The following PLXNA2 variants were observed in gnomAD, a reference collection of about 807,000 sequenced individuals.
PLXNA2 encodes plexin A2.
In PLXNA2, 91 loss-of-function variants were observed where a neutral mutation model predicts 193.5. The ratio of observed to expected loss-of-function variants is 0.47; its 90% CI spans 0.40 to 0.56. The LOEUF is 0.56. Ranked by LOEUF, PLXNA2 falls within the 20% of genes least tolerant of loss-of-function variation. The probability of loss-of-function intolerance (pLI) is 0.00; values close to 1 mark genes in which losing one functional copy is unlikely to be tolerated. For missense variants in PLXNA2, 1,995 were observed against 2,503.2 expected (o/e 0.80, Z 4.33); for synonymous variants, 997 against 1,027.3 (o/e 0.97, Z 0.56).
At chr1:208,033,202 G>C in intron 28 of PLXNA2, 117 bp downstream of exon 28, 1 of 988,616 alleles carries the variant, frequency 1.0e-6, no homozygotes. Context: ...GGCTGTACCT[G>C]GACTGTCTGA....
chr1:208,092,430 C>T (rs570792474), intron 9 of PLXNA2, among the ~76,000 whole-genome samples: 1 of 152,308 alleles, frequency 6.6e-6, no homozygotes, highest in African/African-American at 2.4e-5. Flanking sequence ...TGCAGCCAAG[C>T]AAAGGGCTAG....
chr1:208,216,792 G>C lies in PLXNA2; in HGVS notation c.1131C>G (p.Gly377=), dbSNP rs368699739. 1.7e-5 allele frequency: 28 copies of C among 1,614,064 alleles called. No individual in the cohort carries two copies. Among genetic ancestry groups the C allele is most frequent in the Non-Finnish European group, 2.4e-5 (28 of 1,180,032 alleles). Residue 377 remains glycine, a synonymous_variant, in exon 2 of 32, where the codon GGC becomes GGG. Transcript: ENST00000367033. ...IKERLQSCYQ[G]EGNLELNWLL... is the part of the protein sequence containing the mutation. ...GCCAGTTGAGCTCCAGGTTGCCCTC[G>C]CCCTGGTAGCAGGACTGCAGGCGCT...
At chr1:208,154,227 TGCTGGTGCTGGGTACAGTACA>T (rs369166077) in intron 3 of PLXNA2, among the ~76,000 whole-genome samples, 5,396 of 82,012 alleles carry the variant, frequency 0.066, 304 homozygotes, top group African/African-American at 0.15. Context: ...GTGAAGACTC[TGCTGGTGCTGGGTACAGTACA>T]GCAGGTGCCC....
chr1:208,034,091 T>A (rs1402929074), intron 27 of PLXNA2, among the ~76,000 whole-genome samples: 1 of 152,218 alleles, frequency 6.6e-6, no homozygotes, highest in African/African-American at 2.4e-5. Context: ...GCCCCAGTAC[T>A]CCTCGGACTA....
chr1:208,221,663 C>T (rs1238801484), intron 1 of PLXNA2, among the ~76,000 whole-genome samples: 1 of 152,072 alleles, frequency 6.6e-6, no homozygotes, highest in Non-Finnish European at 1.5e-5. Context: ...TTCAAGGGCA[C>T]GTTGAGAGCC....
intron 1 of PLXNA2, among the ~76,000 whole-genome samples, chr1:208,232,289 A>G (rs1219232194): frequency 6.6e-6 from 1 of 152,048 alleles, no homozygotes; most frequent in African/African-American, 2.4e-5. Context: ...GCTGCCAGCA[A>G]CCCCTCTGAA....
chr1:208,235,950 G>C (rs936392938), intron 1 of PLXNA2, among the ~76,000 whole-genome samples: 1 of 152,156 alleles, frequency 6.6e-6, no homozygotes, highest in Non-Finnish European at 1.5e-5. Flanking sequence ...AGAAAACCTC[G>C]TAGCCTGGGT....
chr1:208,185,696 CAAAAA>C (rs56384277), intron 3 of PLXNA2, among the ~76,000 whole-genome samples: 1,212 of 57,246 alleles, frequency 0.021, 7 homozygotes, highest in African/African-American at 0.082. Context: ...TCTCTGAAAG[CAAAAA>C]AAAAAAAAAA....
intron 29 of PLXNA2, chr1:208,031,333 C>T: frequency 7.5e-7 from 1 of 1,327,580 alleles, no homozygotes; most frequent in South Asian, 1.7e-5. Flanking sequence ...GGGTACTGGT[C>T]ACAACCTGGA....
chr1:208,129,879 G>A (rs1407695673), intron 4 of PLXNA2, among the ~76,000 whole-genome samples: 1 of 152,228 alleles, frequency 6.6e-6, no homozygotes, highest in African/African-American at 2.4e-5. Context: ...TAAGTGGCTA[G>A]AACATTTTTT....
rs554051515 is a variant in PLXNA2, at chr1:208,038,549, T to C, written c.4661-75A>G. On this transcript the variant is annotated intron_variant, in intron 25 of 31. Coordinates refer to ENST00000367033, the MANE Select transcript of PLXNA2 (RefSeq NM_025179.4). This position sits in a 1 kb window ranked among gnomAD's most constrained non-coding sequence, Gnocchi z 4.1. ...TGAGCCAGTGTCTCCCGATTGCACC[T>C]TCTCTAGGGACCTGGCAACCCGGCC... is the stretch of plus-strand genomic sequence containing the variant. 5 of 1,174,314 alleles carry C rather than the reference T, an allele frequency of 4.3e-6. No homozygotes were observed. The South Asian group carries it at 6.1e-5, about 14-fold the overall frequency. The allele number at this position is 1,174,314 out of a possible 1,614,324, so 72.7% of individuals were successfully genotyped here. A position where few individuals can be genotyped will look rare whatever the true frequency, so the allele number is the denominator to read the frequency against.
chr1:208,170,496 C>A (rs1174626390), intron 3 of PLXNA2, among the ~76,000 whole-genome samples: 3 of 152,156 alleles, frequency 2.0e-5, no homozygotes, highest in Non-Finnish European at 2.9e-5. Flanking sequence ...GAGCAGGAGG[C>A]CCTGTGGGGC....
chr1:208,060,330 C>G (rs371748586), intron 13 of PLXNA2, among the ~76,000 whole-genome samples: 8 of 152,208 alleles, frequency 5.3e-5, no homozygotes, highest in Non-Finnish European at 1.2e-4. Flanking sequence ...CAAATTGTTG[C>G]CTGCAGCCCA....
At chr1:208,170,447 C>T (rs1302784362) in intron 3 of PLXNA2, among the ~76,000 whole-genome samples, 5 of 152,172 alleles carry the variant, frequency 3.3e-5, no homozygotes, top group East Asian at 3.9e-4. Context: ...ATCTGAACCA[C>T]GGCCAGGAGG....
intron 9 of PLXNA2, among the ~76,000 whole-genome samples, chr1:208,086,836 C>A (rs149209756): frequency 4.1e-4 from 61 of 150,398 alleles, no homozygotes; most frequent in African/African-American, 1.5e-3. Context: ...GAAGCCCAGG[C>A]ATCTCATAGA....
chr1:208,149,884 G>A (rs1668705822), intron 3 of PLXNA2, among the ~76,000 whole-genome samples: 1 of 152,086 alleles, frequency 6.6e-6, no homozygotes, highest in Non-Finnish European at 1.5e-5. Context: ...TTCAACAGCA[G>A]CAACAGCAGC....
At chr1:208,032,279 C>T (rs1664527658) in intron 28 of PLXNA2, 2 of 283,756 alleles carry the variant, frequency 7.0e-6, no homozygotes, top group Non-Finnish European at 1.1e-5. Context: ...ACCACCTCCC[C>T]ACAGGCAGAG....
chr1:208,118,695 G>A (rs917066192), intron 4 of PLXNA2, among the ~76,000 whole-genome samples: 1 of 151,980 alleles, frequency 6.6e-6, no homozygotes, highest in Non-Finnish European at 1.5e-5. Context: ...AGCTTCTGGG[G>A]GTCACAGAGA....
chr1:208,242,840 A>T (rs1055189200), intron 1 of PLXNA2, among the ~76,000 whole-genome samples: 70 of 152,150 alleles, frequency 4.6e-4, no homozygotes, highest in Non-Finnish European at 1.8e-4. Flanking sequence ...TGGGATGGAT[A>T]AAAAGGGCTA....
Sources: allele counts gnomAD v4.1 joint callset (sites outside exome capture counted in the v4.1 genomes callset), GRCh38; gene constraint gnomAD v4.1.1; non-coding constraint Gnocchi (gnomAD v3.1); transcripts MANE v1.5; gene names NCBI Gene and HGNC (gene_info 2026-07-23, HGNC 2026-07-21).